Variants in TGFBR2 observed in about 807,000 individuals in gnomAD.
TGFBR2 encodes transforming growth factor beta receptor 2, also known as TGF-beta receptor type-2.
A neutral mutation model predicts 49.0 loss-of-function variants in TGFBR2; 18 were observed. The observed-to-expected ratio is 0.37, with a 90% CI of 0.25 to 0.54. TGFBR2 has a LOEUF of 0.54. Among genes scored for constraint, TGFBR2 ranks in the 20% least tolerant of loss-of-function variants. The pLI, the probability that TGFBR2 is intolerant of heterozygous loss-of-function variation, is 0.85. For synonymous variants in TGFBR2, 282 were observed against 275.9 expected, an observed-to-expected ratio of 1.02 and a Z score of -0.22; for missense variants, 525 against 722.6, an observed-to-expected ratio of 0.73 and a Z score of 3.13.
At chr3:30,608,145 G>A (rs2125440664) in intron 1 of TGFBR2, among the ~76,000 whole-genome samples, 1 of 151,874 alleles carries the variant, frequency 6.6e-6, no homozygotes, top group Admixed American at 6.6e-5. Flanking sequence ...CACCATATTG[G>A]CCAGGGTGGT....
At chr3:30,663,755 C>A (rs1273335492) in intron 3 of TGFBR2, among the ~76,000 whole-genome samples, 5 of 152,110 alleles carry the variant, frequency 3.3e-5, no homozygotes, top group Non-Finnish European at 7.3e-5. Context: ...TCTGACCTGA[C>A]CAGTGGTTAC....
intron 3 of TGFBR2, among the ~76,000 whole-genome samples, chr3:30,653,118 G>T (rs1698924868): frequency 6.6e-6 from 1 of 152,016 alleles, no homozygotes; most frequent in African/African-American, 2.4e-5. Context: ...GGGGGTGTTT[G>T]CTTTTTAAGC....
intron 5 of TGFBR2, among the ~76,000 whole-genome samples, chr3:30,684,882 T>C (rs1699596921): frequency 6.6e-6 from 1 of 152,194 alleles, no homozygotes; most frequent in Non-Finnish European, 1.5e-5. Context: ...CTTCTCTCAT[T>C]CCCCATGGAA....
At chr3:30,687,579 T>G (rs1699646754) in intron 5 of TGFBR2, among the ~76,000 whole-genome samples, 1 of 152,146 alleles carries the variant, frequency 6.6e-6, no homozygotes, top group Non-Finnish European at 1.5e-5. Context: ...TGTAGCAAAA[T>G]AGGCATAATA....
chr3:30,687,033 C>T (rs927425547), intron 5 of TGFBR2, among the ~76,000 whole-genome samples: 6 of 152,242 alleles, frequency 3.9e-5, no homozygotes, highest in African/African-American at 9.6e-5. Context: ...CACCCAAATG[C>T]TCACAGTCCA....
intron 1 of TGFBR2, among the ~76,000 whole-genome samples, chr3:30,634,837 A>G (rs1030745534): frequency 1.3e-5 from 2 of 152,186 alleles, no homozygotes; most frequent in Non-Finnish European, 2.9e-5. Flanking sequence ...AGAGGCATAA[A>G]GTTATTATTT....
intron 1 of TGFBR2, among the ~76,000 whole-genome samples, chr3:30,637,975 T>C (rs541754264): frequency 1.3e-5 from 2 of 152,346 alleles, no homozygotes; most frequent in South Asian, 4.1e-4. Context: ...TGTTTCCCCA[T>C]ACTTTACCCA....
chr3:30,691,539 G>C lies in TGFBR2; in HGVS notation c.1644G>C (p.Ser548=), dbSNP rs781309781. 1.9e-6 allele frequency: 3 copies of C among 1,614,122 alleles called. No individual in the cohort carries two copies. ...AGCTGGAGCATCTGGACAGGCTCTC[G>C]GGGAGGAGCTGCTCGGAGGAGAAGA... ...FSELEHLDRL[S]GRSCSEEKIP... is the part of the protein sequence containing the mutation. Residue 548 remains serine, a synonymous_variant, in exon 7 of 7, where the codon TCG becomes TCC. Coordinates refer to ENST00000295754, the MANE Select transcript of TGFBR2 (RefSeq NM_003242.6).
chr3:30,641,474 A>C (rs1200298167), intron 1 of TGFBR2, among the ~76,000 whole-genome samples: 1 of 152,148 alleles, frequency 6.6e-6, no homozygotes, highest in Non-Finnish European at 1.5e-5. Flanking sequence ...GTCAACTAAT[A>C]GGGAGTCGAT....
intron 3 of TGFBR2, among the ~76,000 whole-genome samples, chr3:30,658,570 T>C (rs536540200): frequency 6.6e-6 from 1 of 152,346 alleles, no homozygotes; most frequent in African/African-American, 2.4e-5. Context: ...TGCACGTTGC[T>C]GACTCGCAAG....
intron 1 of TGFBR2, among the ~76,000 whole-genome samples, chr3:30,607,640 G>C (rs991208673): frequency 5.3e-5 from 8 of 151,926 alleles, no homozygotes; most frequent in African/African-American, 1.9e-4. Context: ...GGGTGCTAGA[G>C]GCTGTAGATT....
intron 1 of TGFBR2, among the ~76,000 whole-genome samples, chr3:30,621,245 A>G (rs968359648): frequency 6.6e-6 from 1 of 151,116 alleles, no homozygotes; most frequent in African/African-American, 2.4e-5. Flanking sequence ...CTATCTATAG[A>G]GGAAAAGGAG....
intron 3 of TGFBR2, 43 bp downstream of exon 3, chr3:30,650,503 C>T (rs760288568): frequency 2.6e-5 from 42 of 1,605,318 alleles, no homozygotes; most frequent in Non-Finnish European, 3.5e-5. Context: ...GAGATCTGTG[C>T]CAATTTTTTG....
At chr3:30,634,302 A>G (rs780804114) in intron 1 of TGFBR2, among the ~76,000 whole-genome samples, 3 of 152,202 alleles carry the variant, frequency 2.0e-5, no homozygotes, top group Admixed American at 6.5e-5. Context: ...TGCATTTTCC[A>G]TTAAGCTGCC....
At chr3:30,645,011 T>C in intron 2 of TGFBR2, 96 bp downstream of exon 2, 7 of 1,103,700 alleles carry the variant, frequency 6.3e-6, no homozygotes, top group South Asian at 3.9e-5. Flanking sequence ...GTCTCCTAAA[T>C]GTAAACACCT....
chr3:30,609,565 C>G (rs570903543), intron 1 of TGFBR2, among the ~76,000 whole-genome samples: 1 of 152,116 alleles, frequency 6.6e-6, no homozygotes, highest in South Asian at 2.1e-4. Context: ...AATAGATTCA[C>G]TCTTCCTAAA....
chr3:30,689,033 G>A (rs907059590), intron 6 of TGFBR2, among the ~76,000 whole-genome samples: 2 of 152,160 alleles, frequency 1.3e-5, no homozygotes, highest in African/African-American at 4.8e-5. Flanking sequence ...AGCACGCGTG[G>A]GAAAGAGGAG....
chr3:30,638,372 A>G lies in TGFBR2; in HGVS notation c.95-6375A>G, dbSNP rs75432230. On this transcript the variant is annotated intron_variant, in intron 1 of 6. Transcript: ENST00000295754. ...ATTACTACAAAAATATTTGCATAAG[A>G]AGGAGAATTGATGCCTTCAGGTCAC... 5.2e-3 allele frequency among the ~76,000 whole-genome samples: 790 copies of G among 152,274 alleles called. 11 individuals carry two copies. The highest frequency in any genetic ancestry group is 0.018 in the African/African-American group (748 of 41,562).
At chr3:30,668,608 C>T (rs1699284514) in intron 3 of TGFBR2, among the ~76,000 whole-genome samples, 1 of 152,102 alleles carries the variant, frequency 6.6e-6, no homozygotes, top group South Asian at 2.1e-4. Context: ...TTCAATCATT[C>T]TGTAATTGCT....
Sources: allele counts gnomAD v4.1 joint callset (sites outside exome capture counted in the v4.1 genomes callset), GRCh38; gene constraint gnomAD v4.1.1; transcripts MANE v1.5; gene names NCBI Gene and HGNC (gene_info 2026-07-23, HGNC 2026-07-21).